LILRB1: variants seen among roughly 807,000 people sequenced by gnomAD.
The protein encoded by LILRB1 is leukocyte immunoglobulin like receptor B1, also known as leukocyte immunoglobulin-like receptor subfamily B member 1.
In LILRB1, 59 loss-of-function variants were observed where a neutral mutation model predicts 74.6. The observed-to-expected ratio is 0.79, with a 90% CI of 0.64 to 0.98. The LOEUF (loss-of-function observed/expected upper bound fraction) is 0.98, where lower values mean the gene tolerates loss of function less well. Ranked by LOEUF, LILRB1 falls within the 50% of genes least tolerant of loss-of-function variation. LILRB1 has a pLI of 0.00. For synonymous variants in LILRB1, 328 were observed against 333.9 expected (o/e 0.98, Z 0.19); for missense variants, 804 against 822.6 (o/e 0.98, Z 0.28).
intron 8 of LILRB1, 82 bp downstream of exon 8, chr19:54,633,770 C>G: frequency 3.3e-6 from 5 of 1,509,752 alleles, no homozygotes; most frequent in Non-Finnish European, 4.5e-6. Context: ...TCCCATTCCC[C>G]TCAAAGACTC....
At chr19:54,629,684 G>A (rs546307352), upstream of LILRB1, among the ~76,000 whole-genome samples, 2 of 152,162 alleles carry the variant, frequency 1.3e-5, no homozygotes, top group South Asian at 2.1e-4. Flanking sequence ...GGAGCCCTGA[G>A]CCCCTCACTG....
Position 54,632,021 on chromosome 19 carries a change from G to A in LILRB1, c.445G>A (p.Val149Met), listed in dbSNP as rs1464083982. 6.2e-7 allele frequency: 1 copy of A among 1,614,080 alleles called. No homozygotes were observed. Reference sequence around the variant, plus strand: ...TGTAACCCTCCAGTGTGACTCACAGGTGGCATTTGATGGCTTCATTCTGTG... The same window carrying A: ...TGTAACCCTCCAGTGTGACTCACAGATGGCATTTGATGGCTTCATTCTGTG... ...GNVTLQCDSQ[V>M]AFDGFILCKE... Residue 149 changes from valine (V) to methionine (M), a missense_variant, in exon 5 of 15, where the codon GTG becomes ATG. By Grantham distance (21) the Val-to-Met change is conservative (BLOSUM62 1). Transcript: ENST00000324602.
At chr19:54,633,899 C>G (rs1031731994) in intron 8 of LILRB1, 72 bp from the exon 9 acceptor site, 14 of 1,539,596 alleles carry the variant, frequency 9.1e-6, no homozygotes, top group African/African-American at 2.7e-5. Context: ...GGGGCCCAGC[C>G]TGGGGGAGGA....
chr19:54,621,155 T>C (rs2063446065), intron 1 of LILRB1, among the ~76,000 whole-genome samples: 1 of 152,230 alleles, frequency 6.6e-6, no homozygotes, highest in African/African-American at 2.4e-5. Context: ...ATTACAGGCG[T>C]GAGCCACCAC....
In LILRB1 at chr19:54,635,547, G is replaced by A; in HGVS notation, c.1601-10G>A. 3 of 1,611,230 alleles carry A rather than the reference G, an allele frequency of 1.9e-6. No individual in the cohort carries two copies. Among genetic ancestry groups the A allele is most frequent in the Non-Finnish European group, 2.5e-6 (3 of 1,178,462 alleles). On this transcript the variant is annotated splice_polypyrimidine_tract_variant and intron_variant, in intron 12 of 14. Transcript: ENST00000324602. ...TCCCAAGAGACAAACCCCTTGCTCTGCCCCAGCAGATGCTGCCGTGAAGCA... is the reference window on the plus strand; with the variant it reads ...TCCCAAGAGACAAACCCCTTGCTCTACCCCAGCAGATGCTGCCGTGAAGCA...
intron 12 of LILRB1, 26 bp downstream of exon 12, chr19:54,635,322 C>A: frequency 6.2e-7 from 1 of 1,612,408 alleles, no homozygotes; most frequent in Non-Finnish European, 8.5e-7. Context: ...AGGTGACCAG[C>A]CAGGAGGGAG....
At chr19:54,635,455 T>C in intron 12 of LILRB1, 102 bp from the exon 13 acceptor site, 1 of 1,523,628 alleles carries the variant, frequency 6.6e-7, no homozygotes, top group South Asian at 1.2e-5. Context: ...AGCCCCTCCC[T>C]GCATCTCAGT....
chr19:54,634,696 G>A lies in LILRB1; in HGVS notation c.1419G>A (p.Leu473=). Residue 473 remains leucine (L), a synonymous_variant, in exon 10 of 15, where the codon CTG becomes CTA. Transcript: ENST00000324602. ...GCATCTTGGTGGCCGTCATCCTACT[G>A]CTCCTCCTCCTCCTCCTCCTCTTCC... ...VIGILVAVIL[L]LLLLLLLFLI... 6.3e-7 allele frequency: 1 copy of A among 1,577,804 alleles called. No individual in the cohort carries two copies. Among genetic ancestry groups the A allele is most frequent in the Non-Finnish European group, 8.7e-7 (1 of 1,151,460 alleles).
Position 54,633,655 on chromosome 19 carries a change from A to T in LILRB1, c.1279A>T (p.Ser427Cys), listed in dbSNP as rs1413282727. The change falls in exon 8 of 15, where the codon AGC (serine) becomes TGC (cysteine). Residue 427 changes from serine to cysteine, a missense_variant. By Grantham distance (112) the Ser-to-Cys change is moderately radical (BLOSUM62 -1). Transcript: ENST00000324602. The stretch of plus-strand genomic sequence containing the variant: ...TTACCCAGGACCGTCTGGGGGCCCC[A>T]GCTCCCCGACAACAGGCCCCACCTC... ...LVVSGPSGGP[S>C]SPTTGPTSTS... The T allele has an allele frequency of 6.2e-7, 1 of 1,613,412 alleles. No individual in the cohort carries two copies. The highest frequency in any genetic ancestry group is 8.5e-7 in the Non-Finnish European group (1 of 1,179,738).
At chr19:54,622,460 G>T (rs2063480600) in intron 1 of LILRB1, among the ~76,000 whole-genome samples, 1 of 152,104 alleles carries the variant, frequency 6.6e-6, no homozygotes, top group African/African-American at 2.4e-5. Context: ...TCCTTAATTT[G>T]ATTCTCAGCT....
intron 1 of LILRB1, among the ~76,000 whole-genome samples, chr19:54,618,199 T>A (rs4806793): frequency 0.54 from 82,527 of 151,552 alleles, 23,397 homozygotes; most frequent in South Asian, 0.64. Context: ...AAGATGTACT[T>A]CTATCAGCAT....
upstream of LILRB1, among the ~76,000 whole-genome samples, chr19:54,628,538 A>C (rs2063659648): frequency 6.6e-6 from 1 of 152,094 alleles, no homozygotes. Flanking sequence ...AGCTCACAGA[A>C]CTCAGAGAGA....
Position 54,636,554 on chromosome 19 carries a change from C to T in LILRB1, c.1714C>T (p.Pro572Ser), listed in dbSNP as rs1007163851. 5.6e-6 allele frequency: 9 copies of T among 1,611,658 alleles called. No homozygotes were observed. The African/African-American group carries it at 8.0e-5, about 14-fold the overall frequency. Reference protein sequence around the residue: ...VTYAEVKHSRPRREMASPPSP... With the variant: ...VTYAEVKHSRSRREMASPPSP... ...GTATGCCGAGGTGAAACACTCCAGA[C>T]CTAGGAGAGAAATGGCCTCTCCTCC... Residue 572 changes from proline (P) to serine (S), a missense_variant, in exon 14 of 15, where the codon CCT becomes TCT. By Grantham distance (74) the Pro-to-Ser change is moderately conservative (BLOSUM62 -1). Coordinates refer to ENST00000324602, the MANE Select transcript of LILRB1 (RefSeq NM_001081637.3).
Position 54,631,050 on chromosome 19 carries a change from A to T in LILRB1, c.-24A>T, listed in dbSNP as rs201198471. Reference sequence around the variant, plus strand: ...GCACCGAGGGCTCATCCATCCACAGAGCAGGGCAGTGGGAGGAGACGCCAT... The same window carrying T: ...GCACCGAGGGCTCATCCATCCACAGTGCAGGGCAGTGGGAGGAGACGCCAT... On this transcript the variant is annotated 5_prime_UTR_variant, in exon 2 of 15. Transcript: ENST00000324602. 2.4e-5 allele frequency: 39 copies of T among 1,614,194 alleles called. No homozygotes were observed. The East Asian group carries it at 8.5e-4, about 35-fold the overall frequency.
Position 54,631,635 on chromosome 19 carries a change from G to T in LILRB1, c.206G>T (p.Trp69Leu). 1 of 1,614,280 alleles carries T rather than the reference G, an allele frequency of 6.2e-7. No homozygotes were observed. Among genetic ancestry groups the T allele is most frequent in the East Asian group, 2.2e-5 (1 of 44,888 alleles). The change falls in exon 4 of 15, where the codon TGG becomes TTG. Residue 69 changes from tryptophan to leucine, a missense_variant. Trp to Leu is a moderately conservative substitution (Grantham distance 61). Coordinates refer to ENST00000324602, the MANE Select transcript of LILRB1 (RefSeq NM_001081637.3). ...RLYREKKTAP[W>L]ITRIPQELVK... is the part of the protein sequence containing the mutation. ...TATAGAGAAAAGAAAACAGCACCCT[G>T]GATTACACGGATCCCACAGGAGCTT... is the stretch of plus-strand genomic sequence containing the variant.
At chr19:54,630,858 G>A (rs2063769590) in intron 1 of LILRB1, 168 bp from the exon 2 acceptor site, 1 of 875,552 alleles carries the variant, frequency 1.1e-6, no homozygotes, top group Admixed American at 2.4e-5. Flanking sequence ...CATCTGAAAT[G>A]ATGCAGAGGG....
Position 54,632,692 on chromosome 19 carries a change from G to C in LILRB1, c.890G>C (p.Cys297Ser). The change falls in exon 6 of 15, where the codon TGC becomes TCC. Residue 297 changes from cysteine to serine, a missense_variant. By Grantham distance (112) the Cys-to-Ser change is moderately radical (BLOSUM62 -1). Coordinates refer to ENST00000324602, the MANE Select transcript of LILRB1 (RefSeq NM_001081637.3). ...VSRSYGGQYRCYGAHNLSSEW... is the reference protein window; with the variant it reads ...VSRSYGGQYRSYGAHNLSSEW... ...CGCTCCTACGGGGGCCAGTACAGAT[G>C]CTACGGTGCACACAACCTCTCCTCC... is the stretch of plus-strand genomic sequence containing the variant. The C allele has an allele frequency of 6.2e-7, 1 of 1,613,100 alleles. No homozygotes were observed.
At position 54,636,446 on chromosome 19, in the gene LILRB1, G is replaced by C. The variant is rs562960990; in HGVS notation, c.1654-48G>C. On this transcript the variant is annotated intron_variant, in intron 13 of 14. Coordinates refer to ENST00000324602, the MANE Select transcript of LILRB1 (RefSeq NM_001081637.3). ...GGAACAGTGAGGAAAATTGACTCCAGGGGGTCAGGAGGATTCAAGGACACC... is the reference window on the plus strand; with the variant it reads ...GGAACAGTGAGGAAAATTGACTCCACGGGGTCAGGAGGATTCAAGGACACC... 2.2e-5 allele frequency: 35 copies of C among 1,601,528 alleles called. No homozygotes were observed. In the South Asian group the frequency reaches 3.5e-4, roughly 16 times the overall value.
chr19:54,619,133 A>T (rs1199585485), intron 1 of LILRB1, among the ~76,000 whole-genome samples: 1 of 152,174 alleles, frequency 6.6e-6, no homozygotes. Context: ...GAAATAAGAG[A>T]TGTAAAGACA....
Sources: allele counts gnomAD v4.1 joint callset (sites outside exome capture counted in the v4.1 genomes callset), GRCh38; gene constraint gnomAD v4.1.1; transcripts MANE v1.5; gene names NCBI Gene and HGNC (gene_info 2026-07-23, HGNC 2026-07-21).